The following THSD4 variants were observed in gnomAD, a reference collection of about 807,000 sequenced individuals.
THSD4 encodes the protein thrombospondin type 1 domain containing 4.
In THSD4, 69 loss-of-function variants were observed where a neutral mutation model predicts 119.0. The ratio of observed to expected loss-of-function variants is 0.58; its 90% CI spans 0.48 to 0.71. The LOEUF (loss-of-function observed/expected upper bound fraction) is 0.71. Among genes scored for constraint, THSD4 ranks in the 30% least tolerant of loss-of-function variants. THSD4 has a pLI of 0.00. For missense variants in THSD4, 1,393 were observed against 1,391.1 expected, an observed-to-expected ratio of 1.00 and a Z score of -0.02; for synonymous variants, 524 against 540.4, an observed-to-expected ratio of 0.97 and a Z score of 0.42.
At chr15:71,355,434 T>G (rs1399412756) in intron 6 of THSD4, among the ~76,000 whole-genome samples, 2 of 152,346 alleles carry the variant, frequency 1.3e-5, no homozygotes, top group East Asian at 3.9e-4. Context: ...GTGCAGACAC[T>G]TGTTCCAAAG....
rs115290320 is a variant in THSD4, at chr15:71,404,457, A to G, written c.1016-7230A>G. On this transcript the variant is annotated intron_variant, in intron 6 of 17. Coordinates refer to ENST00000261862, the MANE Select transcript of THSD4 (RefSeq NM_024817.3). ...CTGTTGTCAAATAATATTCCATTGT[A>G]TGGATATACCACATTTTGTTTGTCC... 5.7e-3 allele frequency among the ~76,000 whole-genome samples: 867 copies of G among 152,334 alleles called. 9 individuals are homozygous for G. The highest frequency in any genetic ancestry group is 0.02 in the African/African-American group (831 of 41,578).
intron 7 of THSD4, among the ~76,000 whole-genome samples, chr15:71,653,882 A>G (rs1287917577): frequency 6.7e-6 from 1 of 148,670 alleles, no homozygotes. Flanking sequence ...GAGGGCAGTC[A>G]GGGGTAGATT....
intron 8 of THSD4, among the ~76,000 whole-genome samples, chr15:71,670,312 T>A (rs1372416745): frequency 6.6e-6 from 1 of 151,846 alleles, no homozygotes; most frequent in Non-Finnish European, 1.5e-5. Flanking sequence ...TTCCCACCTA[T>A]GAGTAAGAAC....
At chr15:71,350,605 G>A (rs551271362) in intron 6 of THSD4, among the ~76,000 whole-genome samples, 1 of 152,088 alleles carries the variant, frequency 6.6e-6, no homozygotes, top group East Asian at 1.9e-4. Context: ...TCCCAACATA[G>A]CCCTTTACAA....
intron 7 of THSD4, among the ~76,000 whole-genome samples, chr15:71,658,158 C>T (rs773817252): frequency 7.2e-5 from 11 of 152,188 alleles, no homozygotes; most frequent in Non-Finnish European, 1.5e-4. Flanking sequence ...CTGAGCATGG[C>T]TCTCCCCTTC....
intron 6 of THSD4, chr15:71,342,465 C>T (rs2045594553): frequency 6.6e-6 from 1 of 152,626 alleles, no homozygotes; most frequent in Non-Finnish European, 1.5e-5. Flanking sequence ...ATGGGAGTCC[C>T]TCCCTTCTCT....
chr15:71,577,312 G>A (rs1162631146), intron 7 of THSD4, among the ~76,000 whole-genome samples: 1 of 152,208 alleles, frequency 6.6e-6, no homozygotes, highest in African/African-American at 2.4e-5. Flanking sequence ...TGTTCTGGGG[G>A]AGTTAGAAAA....
At chr15:71,311,797 C>G (rs2045114857) in intron 6 of THSD4, among the ~76,000 whole-genome samples, 1 of 152,186 alleles carries the variant, frequency 6.6e-6, no homozygotes, top group Non-Finnish European at 1.5e-5. Flanking sequence ...CGTCACTCCT[C>G]TTCAGTCTGT....
At position 71,758,093 on chromosome 15, in the gene THSD4, G is replaced by A. The variant is rs1303719224; in HGVS notation, c.2589+18G>A. 1.3e-6 allele frequency: 2 copies of A among 1,547,422 alleles called. No homozygotes were observed. The highest frequency in any genetic ancestry group is 1.7e-6 in the Non-Finnish European group (2 of 1,142,986). On this transcript the variant is annotated intron_variant, in intron 15 of 17. Coordinates refer to ENST00000261862, the MANE Select transcript of THSD4 (RefSeq NM_024817.3). ...GGAGTCAGGTGAGTGGCCAGAACTGGGTATGTCTGCCTGTGTCAGGCAAAA... is the reference window on the plus strand; with the variant it reads ...GGAGTCAGGTGAGTGGCCAGAACTGAGTATGTCTGCCTGTGTCAGGCAAAA...
At chr15:71,660,436 GA>G in intron 7 of THSD4, 93 bp from the exon 8 acceptor site, 1 of 1,501,204 alleles carries the variant, frequency 6.7e-7, no homozygotes, top group East Asian at 2.3e-5. Context: ...TAAATAGCTA[GA>G]AAAGAAATTT....
chr15:71,241,944 C>G (rs1996257), intron 4 of THSD4, among the ~76,000 whole-genome samples: 148,743 of 152,290 alleles, frequency 0.98, 72,751 homozygotes, highest in East Asian at 1. Context: ...ATTAGTGTTA[C>G]TGTATTTTAT....
intron 14 of THSD4, among the ~76,000 whole-genome samples, chr15:71,756,427 G>C: frequency 6.6e-6 from 1 of 152,270 alleles, no homozygotes; most frequent in South Asian, 2.1e-4. Flanking sequence ...CGGTGGTGAA[G>C]GTGTACATGC....
chr15:71,242,908 A>G lies in THSD4; in HGVS notation c.724A>G (p.Ile242Val). 2 of 1,614,178 alleles carry G rather than the reference A, an allele frequency of 1.2e-6. No homozygotes were observed. Among genetic ancestry groups the G allele is most frequent in the Non-Finnish European group, 1.7e-6 (2 of 1,180,026 alleles). The change falls in exon 5 of 18, where the codon ATC becomes GTC. Residue 242 changes from isoleucine to valine, a missense_variant. Transcript: ENST00000261862. ...TGGACTGCAGGCTGCGGAGGCCCCC[A>G]TCTACCAGCTACCTTTGACCCATGA... ...RSGLQAAEAPIYQLPLTHDQG... is the reference protein window; with the variant it reads ...RSGLQAAEAPVYQLPLTHDQG...
At chr15:71,407,220 C>T (rs2046620832) in intron 6 of THSD4, among the ~76,000 whole-genome samples, 1 of 152,184 alleles carries the variant, frequency 6.6e-6, no homozygotes, top group Non-Finnish European at 1.5e-5. Context: ...TCTTACAACT[C>T]TTAGAGATAG....
At chr15:71,277,868 C>G (rs1439716241) in intron 6 of THSD4, among the ~76,000 whole-genome samples, 5 of 152,192 alleles carry the variant, frequency 3.3e-5, no homozygotes, top group South Asian at 2.1e-4. Context: ...ATGGCACATA[C>G]AGTATTCTGT....
At chr15:71,271,570 G>A (rs552365530) in intron 6 of THSD4, among the ~76,000 whole-genome samples, 3 of 152,288 alleles carry the variant, frequency 2.0e-5, no homozygotes, top group Admixed American at 6.5e-5. Flanking sequence ...GGTGTATACA[G>A]TTATCAAAAT....
chr15:71,690,984 T>C (rs1443497098), intron 8 of THSD4, among the ~76,000 whole-genome samples: 1 of 152,180 alleles, frequency 6.6e-6, no homozygotes, highest in Non-Finnish European at 1.5e-5. Context: ...TGAAGACCCT[T>C]GTGATGGAAA....
At chr15:71,661,899 A>T (rs984897986) in intron 8 of THSD4, among the ~76,000 whole-genome samples, 50 of 152,298 alleles carry the variant, frequency 3.3e-4, no homozygotes, top group Admixed American at 8.5e-4. Context: ...GAATTCTCTC[A>T]ACAGGGAAAA....
intron 5 of THSD4, 124 bp from the exon 6 acceptor site, chr15:71,256,487 AAT>A (rs2044318319): frequency 8.4e-6 from 5 of 597,534 alleles, no homozygotes; most frequent in South Asian, 9.3e-5. Context: ...AAAAAAAAAA[AAT>A]AAATAAATAA....
Sources: gnomAD v4.1 joint callset for allele counts (sites outside exome capture counted in the v4.1 genomes callset) on GRCh38, gnomAD v4.1.1 for gene constraint, MANE v1.5 for transcripts, NCBI Gene and HGNC (gene_info 2026-07-23, HGNC 2026-07-21) for gene names.